CHRM3: variants seen among roughly 807,000 people sequenced by gnomAD.
The protein encoded by CHRM3 is cholinergic receptor muscarinic 3.
CHRM3 carries 11 observed loss-of-function variants against 41.8 expected under a neutral mutation model. The observed-to-expected ratio is 0.26, with a 90% CI of 0.17 to 0.44. The LOEUF is 0.44. Ranked by LOEUF, CHRM3 falls within the 20% of genes least tolerant of loss-of-function variation. The probability of loss-of-function intolerance (pLI) is 1.00; values close to 1 mark genes in which losing one functional copy is unlikely to be tolerated. For missense variants in CHRM3, 571 were observed against 745.4 expected (o/e 0.77, Z 2.72); for synonymous variants, 297 against 301.4 (o/e 0.99, Z 0.15).
rs879169946 is a variant in CHRM3 at position 239,912,524 on chromosome 1, G to C, written c.*3300G>C. The C allele has an allele frequency of 6.0e-6, 1 of 167,112 alleles. No homozygotes were observed. Among genetic ancestry groups the C allele is most frequent in the Non-Finnish European group, 1.5e-5 (1 of 68,148 alleles). The allele number at this position is 167,112 out of a possible 1,614,324, so 10.4% of individuals were successfully genotyped here. A position where few individuals can be genotyped will look rare whatever the true frequency, so the allele number is the denominator to read the frequency against. On this transcript the variant is annotated 3_prime_UTR_variant, in exon 7 of 7. Transcript: ENST00000676153. ...CAGTTTTCTCTGTCAGGCTTCCTAC[G>C]TTGCCCTCGTGCAGGGCTCATTGCT...
At chr1:239,427,438 C>A (rs1022419727) in intron 1 of CHRM3, among the ~76,000 whole-genome samples, 8 of 152,034 alleles carry the variant, frequency 5.3e-5, no homozygotes, top group Non-Finnish European at 1.2e-4. Context: ...GGCCGTGGGA[C>A]CTTAGCCTCA....
intron 4 of CHRM3, among the ~76,000 whole-genome samples, chr1:239,634,083 C>T (rs1292766096): frequency 6.6e-6 from 1 of 152,114 alleles, no homozygotes; most frequent in Non-Finnish European, 1.5e-5. Context: ...TAGTAAGTGG[C>T]ACAGGTGAGA....
intron 1 of CHRM3, among the ~76,000 whole-genome samples, chr1:239,390,985 A>T (rs1658983003): frequency 6.6e-6 from 1 of 152,180 alleles, no homozygotes; most frequent in African/African-American, 2.4e-5. Flanking sequence ...AAAAGTGTAA[A>T]AACTTAGCCA....
At chr1:239,478,955 G>A (rs575311635) in intron 1 of CHRM3, among the ~76,000 whole-genome samples, 7 of 152,232 alleles carry the variant, frequency 4.6e-5, no homozygotes, top group African/African-American at 1.7e-4. Flanking sequence ...GGCTGAGGCG[G>A]GTAGATCACT....
intron 2 of CHRM3, among the ~76,000 whole-genome samples, chr1:239,502,899 G>A (rs1318250641): frequency 1.3e-5 from 2 of 152,080 alleles, no homozygotes; most frequent in East Asian, 3.9e-4. Flanking sequence ...CAGCATACAA[G>A]GGATATACCT....
At chr1:239,663,209 C>G (rs1335622753) in intron 4 of CHRM3, among the ~76,000 whole-genome samples, 1 of 152,056 alleles carries the variant, frequency 6.6e-6, no homozygotes, top group East Asian at 1.9e-4. Flanking sequence ...CTTTGCATGT[C>G]TCTGCCTGCA....
At chr1:239,467,185 C>A (rs1418800993) in intron 1 of CHRM3, among the ~76,000 whole-genome samples, 3 of 152,120 alleles carry the variant, frequency 2.0e-5, no homozygotes, top group Non-Finnish European at 2.9e-5. Flanking sequence ...TTCAAACAAA[C>A]CATGTATTGA....
intron 3 of CHRM3, among the ~76,000 whole-genome samples, chr1:239,627,818 T>G (rs1669165349): frequency 6.6e-6 from 1 of 150,678 alleles, no homozygotes; most frequent in Non-Finnish European, 1.5e-5. Flanking sequence ...TTTAAGAACG[T>G]TGAATATTGG....
intron 4 of CHRM3, among the ~76,000 whole-genome samples, chr1:239,643,625 T>C (rs990008204): frequency 3.6e-4 from 55 of 152,300 alleles, no homozygotes; most frequent in African/African-American, 1.3e-3. Context: ...GTCGGAAAAG[T>C]GCAGTATTCG....
chr1:239,488,376 A>G (rs1021006440), intron 1 of CHRM3, among the ~76,000 whole-genome samples: 11 of 152,178 alleles, frequency 7.2e-5, no homozygotes, highest in Admixed American at 1.3e-4. Flanking sequence ...TAGAGGACCA[A>G]CTGAATTATA....
intron 5 of CHRM3, among the ~76,000 whole-genome samples, chr1:239,809,165 A>G (rs889028870): frequency 7.4e-6 from 1 of 134,774 alleles, no homozygotes; most frequent in Admixed American, 7.9e-5. Flanking sequence ...GACTACAGGC[A>G]CCCGCCACCA....
chr1:239,723,837 G>C (rs750100067), intron 5 of CHRM3, among the ~76,000 whole-genome samples: 1 of 151,786 alleles, frequency 6.6e-6, no homozygotes, highest in South Asian at 2.1e-4. Context: ...TAAAGATGAG[G>C]CCTCATAGTA....
At chr1:239,595,731 C>T (rs1292452288) in intron 3 of CHRM3, among the ~76,000 whole-genome samples, 1 of 152,184 alleles carries the variant, frequency 6.6e-6, no homozygotes. Context: ...CCATTTCACT[C>T]TAAAATGGTA....
chr1:239,499,163 A>C (rs1668064761), intron 2 of CHRM3, among the ~76,000 whole-genome samples: 1 of 152,152 alleles, frequency 6.6e-6, no homozygotes, highest in African/African-American at 2.4e-5. Context: ...TTGATAGGTT[A>C]CTTCTGACGA....
intron 1 of CHRM3, among the ~76,000 whole-genome samples, chr1:239,480,549 T>G (rs1226004364): frequency 5.2e-5 from 7 of 135,920 alleles, no homozygotes; most frequent in Non-Finnish European, 1.1e-4. Flanking sequence ...CCCAATTTTT[T>G]TTTTTTTTTT....
intron 4 of CHRM3, among the ~76,000 whole-genome samples, chr1:239,657,801 A>G (rs1672846821): frequency 1.3e-5 from 2 of 152,192 alleles, no homozygotes; most frequent in South Asian, 4.1e-4. Flanking sequence ...TTACATTAAT[A>G]ACATCATCTG....
chr1:239,426,993 G>A (rs987848604), intron 1 of CHRM3, among the ~76,000 whole-genome samples: 1 of 152,024 alleles, frequency 6.6e-6, no homozygotes, highest in East Asian at 1.9e-4. Context: ...GGAGGGGTGG[G>A]TGGAGCAGGC....
intron 1 of CHRM3, among the ~76,000 whole-genome samples, chr1:239,457,221 C>T (rs1161406773): frequency 6.6e-6 from 1 of 152,144 alleles, no homozygotes; most frequent in Non-Finnish European, 1.5e-5. Context: ...ATTTTCGCAA[C>T]TGTAAACTGG....
intron 5 of CHRM3, chr1:239,707,325 T>G (rs1433259450): frequency 6.6e-6 from 1 of 152,070 alleles, no homozygotes; most frequent in Non-Finnish European, 1.5e-5. Context: ...TATTCGCGAG[T>G]CTAAAAAAAA....
Sources: gnomAD v4.1 joint callset for allele counts (sites outside exome capture counted in the v4.1 genomes callset) on GRCh38, gnomAD v4.1.1 for gene constraint, MANE v1.5 for transcripts, NCBI Gene and HGNC (gene_info 2026-07-23, HGNC 2026-07-21) for gene names.